SGMS1: variants seen among roughly 807,000 people sequenced by gnomAD.
SGMS1 encodes phosphatidylcholine:ceramide cholinephosphotransferase 1.
Under a neutral mutation model 46.2 loss-of-function variants are expected in SGMS1, and 13 were observed. The observed-to-expected ratio is 0.28, with a 90% CI of 0.18 to 0.45. The LOEUF (loss-of-function observed/expected upper bound fraction) is 0.45, where lower values mean the gene tolerates loss of function less well. Among genes scored for constraint, SGMS1 ranks in the 20% least tolerant of loss-of-function variants. SGMS1 has a pLI of 1.00. For missense variants in SGMS1, 324 were observed against 519.9 expected, an observed-to-expected ratio of 0.62 and a Z score of 3.66; for synonymous variants, 203 against 187.8, an observed-to-expected ratio of 1.08 and a Z score of -0.66.
chr10:50,360,101 CT>C (rs1848223135), intron 6 of SGMS1, among the ~76,000 whole-genome samples: 1 of 152,068 alleles, frequency 6.6e-6, no homozygotes. Flanking sequence ...CCTTCATTAG[CT>C]TTCTTAAAAA....
intron 2 of SGMS1, among the ~76,000 whole-genome samples, chr10:50,589,235 G>C (rs968806236): frequency 2.0e-5 from 3 of 152,078 alleles, no homozygotes; most frequent in African/African-American, 7.2e-5. Context: ...TTACTTATCT[G>C]TTCATTAAAG....
At chr10:50,562,595 G>C (rs1322069539) in intron 2 of SGMS1, among the ~76,000 whole-genome samples, 1 of 152,200 alleles carries the variant, frequency 6.6e-6, no homozygotes, top group East Asian at 1.9e-4. Flanking sequence ...CCAGGCTGGA[G>C]TGCAGTGGCG....
At chr10:50,410,684 CA>C (rs1240358368) in intron 6 of SGMS1, among the ~76,000 whole-genome samples, 2 of 152,070 alleles carry the variant, frequency 1.3e-5, no homozygotes, top group Non-Finnish European at 2.9e-5. Flanking sequence ...AGGGCAAGAC[CA>C]ATCTCTAATT....
intron 3 of SGMS1, among the ~76,000 whole-genome samples, chr10:50,484,867 A>C (rs1283716080): frequency 6.6e-6 from 1 of 152,184 alleles, no homozygotes; most frequent in African/African-American, 2.4e-5. Context: ...AAAAACTCTC[A>C]ATAAACTAGG....
At chr10:50,522,740 T>C (rs895172747) in intron 2 of SGMS1, among the ~76,000 whole-genome samples, 1 of 152,116 alleles carries the variant, frequency 6.6e-6, no homozygotes, top group African/African-American at 2.4e-5. Flanking sequence ...CTCAACAGAA[T>C]GGCTATGTGA....
intron 6 of SGMS1, among the ~76,000 whole-genome samples, chr10:50,391,584 T>C (rs1037884368): frequency 1.3e-5 from 2 of 152,162 alleles, no homozygotes; most frequent in African/African-American, 4.8e-5. Flanking sequence ...GTAAATTAGT[T>C]CAACTATTGT....
intron 6 of SGMS1, among the ~76,000 whole-genome samples, chr10:50,421,696 T>G (rs1236946818): frequency 6.6e-6 from 1 of 152,194 alleles, no homozygotes; most frequent in East Asian, 1.9e-4. Context: ...CCCATGGGTC[T>G]CTTTATCTCT....
chr10:50,562,422 A>T (rs1327422800), intron 2 of SGMS1, among the ~76,000 whole-genome samples: 4 of 151,200 alleles, frequency 2.6e-5, no homozygotes, highest in African/African-American at 9.7e-5. Context: ...ACCCACTACC[A>T]CAATCACCTT....
chr10:50,438,867 GA>G (rs1253365772), intron 5 of SGMS1, among the ~76,000 whole-genome samples: 1 of 152,174 alleles, frequency 6.6e-6, no homozygotes, highest in Non-Finnish European at 1.5e-5. Context: ...AGGATATAAT[GA>G]AACATATTAG....
intron 1 of SGMS1, among the ~76,000 whole-genome samples, chr10:50,598,365 G>A (rs1029904317): frequency 1.3e-5 from 2 of 152,156 alleles, no homozygotes; most frequent in African/African-American, 4.8e-5. Flanking sequence ...ATAAATGGCT[G>A]TTGTTTAAGC....
At chr10:50,389,044 T>C (rs1383880526) in intron 6 of SGMS1, among the ~76,000 whole-genome samples, 1 of 152,214 alleles carries the variant, frequency 6.6e-6, no homozygotes, top group African/African-American at 2.4e-5. Flanking sequence ...AAATGATAGT[T>C]TCACTATAGT....
intron 6 of SGMS1, among the ~76,000 whole-genome samples, chr10:50,362,612 A>T (rs1026903772): frequency 4.6e-5 from 7 of 152,246 alleles, no homozygotes; most frequent in Non-Finnish European, 8.8e-5. Flanking sequence ...CCATGGAAAA[A>T]GTAATCTTTG....
intron 2 of SGMS1, among the ~76,000 whole-genome samples, chr10:50,569,113 G>GA (rs1838315429): frequency 6.6e-6 from 1 of 151,744 alleles, no homozygotes; most frequent in Non-Finnish European, 1.5e-5. Context: ...GAGAACACAT[G>GA]GTCACAGGGA....
At chr10:50,591,069 T>C (rs751468013) in intron 1 of SGMS1, among the ~76,000 whole-genome samples, 6 of 152,100 alleles carry the variant, frequency 3.9e-5, no homozygotes, top group Non-Finnish European at 7.4e-5. Context: ...TCAACTACAA[T>C]ACACACAAGT....
At chr10:50,493,092 C>T (rs907078437) in intron 3 of SGMS1, among the ~76,000 whole-genome samples, 3 of 152,158 alleles carry the variant, frequency 2.0e-5, no homozygotes, top group African/African-American at 7.2e-5. Context: ...GTAACCAAAA[C>T]ATCATGGTAC....
chr10:50,474,547 A>G (rs569855745), intron 3 of SGMS1, among the ~76,000 whole-genome samples: 16 of 152,294 alleles, frequency 1.1e-4, no homozygotes, highest in Non-Finnish European at 2.2e-4. Context: ...ATGAATTCTC[A>G]TTCTATTAAA....
At chr10:50,432,987 C>A (rs1158928801) in intron 6 of SGMS1, among the ~76,000 whole-genome samples, 3 of 152,110 alleles carry the variant, frequency 2.0e-5, no homozygotes, top group Non-Finnish European at 4.4e-5. Flanking sequence ...CTCTGATGTA[C>A]ATAAAAGTAG....
At chr10:50,437,474 G>A (rs74556737) in intron 5 of SGMS1, among the ~76,000 whole-genome samples, 86 of 152,232 alleles carry the variant, frequency 5.6e-4, no homozygotes, top group African/African-American at 1.9e-3. Context: ...TCAAGCCCAC[G>A]CAGTCTAGCT....
intron 3 of SGMS1, among the ~76,000 whole-genome samples, chr10:50,489,690 T>C (rs929634645): frequency 3.3e-5 from 5 of 152,042 alleles, no homozygotes; most frequent in Non-Finnish European, 7.4e-5. Context: ...AAAATAAACA[T>C]GGTGGCTGGG....
Sources: allele counts gnomAD v4.1 joint callset (sites outside exome capture counted in the v4.1 genomes callset), GRCh38; gene constraint gnomAD v4.1.1; transcripts MANE v1.5; gene names NCBI Gene and HGNC (gene_info 2026-07-23, HGNC 2026-07-21).